The following DYM variants were observed in gnomAD, a reference collection of about 807,000 sequenced individuals.
DYM encodes the protein dyggve-Melchior-Clausen syndrome protein.
DYM carries 78 observed loss-of-function variants against 93.1 expected under a neutral mutation model. That is an observed-to-expected ratio of 0.84 (90% CI 0.70 to 1.01). DYM has a LOEUF of 1.01. Among genes scored for constraint, DYM ranks in the 50% least tolerant of loss-of-function variants. The pLI is 0.00. For missense variants in DYM, 789 were observed against 845.0 expected (o/e 0.93, Z 0.82); for synonymous variants, 321 against 319.7 (o/e 1.00, Z -0.04).
intron 13 of DYM, among the ~76,000 whole-genome samples, chr18:49,240,207 T>C (rs1010896660): frequency 3.3e-5 from 5 of 152,182 alleles, no homozygotes; most frequent in African/African-American, 1.2e-4. Context: ...AATACAGACA[T>C]GCTCACATCC....
chr18:49,253,654 A>T (rs2094334548), intron 13 of DYM, among the ~76,000 whole-genome samples: 1 of 152,166 alleles, frequency 6.6e-6, no homozygotes, highest in African/African-American at 2.4e-5. Flanking sequence ...CCGGCTACTC[A>T]AATGTGGTCC....
chr18:49,042,485 G>C lies in DYM; in HGVS notation c.*1570C>G, dbSNP rs2070999595. ...ACAGTGGTGCACTGAGAGGCTGCCA[G>C]TGTTTTGACCTTTTACAGAGCTTGG... On this transcript the variant is annotated 3_prime_UTR_variant, in exon 18 of 18. Transcript: ENST00000675505. The C allele has an allele frequency of 6.6e-6, 1 of 152,286 alleles. No homozygotes were observed. The highest frequency in any genetic ancestry group is 1.9e-4 in the East Asian group (1 of 5,198). The allele number at this position is 152,286 out of a possible 1,614,324, so 9.4% of individuals were successfully genotyped here.
chr18:49,339,306 T>A (rs572980481), intron 6 of DYM, among the ~76,000 whole-genome samples: 1 of 152,276 alleles, frequency 6.6e-6, no homozygotes, highest in East Asian at 1.9e-4. Flanking sequence ...ATAGTAGGCA[T>A]CCTCTAAAAT....
At chr18:49,401,946 A>C (rs1455745780) in intron 2 of DYM, among the ~76,000 whole-genome samples, 1 of 151,966 alleles carries the variant, frequency 6.6e-6, no homozygotes, top group African/African-American at 2.4e-5. Context: ...GAATCACTTG[A>C]ACCCGGAAGG....
intron 3 of DYM, among the ~76,000 whole-genome samples, chr18:49,390,444 T>A (rs1217128299): frequency 5.3e-5 from 8 of 151,096 alleles, no homozygotes; most frequent in African/African-American, 1.5e-4. Flanking sequence ...AAAAAAAAAA[T>A]AAATCATCAA....
At chr18:49,080,299 C>T (rs2077770162) in intron 17 of DYM, among the ~76,000 whole-genome samples, 1 of 136,070 alleles carries the variant, frequency 7.3e-6, no homozygotes, top group African/African-American at 2.8e-5. Flanking sequence ...AGAGGCGCCC[C>T]TCACCTCCCG....
intron 8 of DYM, among the ~76,000 whole-genome samples, chr18:49,305,006 T>C (rs1412087657): frequency 6.6e-6 from 1 of 152,154 alleles, no homozygotes; most frequent in Non-Finnish European, 1.5e-5. Context: ...ACTCCCTGAC[T>C]ACCACTTCCC....
chr18:49,444,235 A>G (rs1389702014), intron 1 of DYM, among the ~76,000 whole-genome samples: 3 of 152,306 alleles, frequency 2.0e-5, no homozygotes, highest in Non-Finnish European at 4.4e-5. Context: ...TTCTCATGAC[A>G]TTTTTGTCAG....
chr18:49,403,998 G>GC lies in DYM; in HGVS notation c.141-12354_141-12353insG, dbSNP rs367843687. ...TATCCAATTTACTGTTGTTTTTTCTGTTTTTTTTTTGTTTGTTTGTTTGTT... is the reference window on the plus strand; with the variant it reads ...TATCCAATTTACTGTTGTTTTTTCTGCTTTTTTTTTTGTTTGTTTGTTTGTT... On this transcript the variant is annotated intron_variant, in intron 2 of 17. Coordinates refer to ENST00000675505, the MANE Select transcript of DYM (RefSeq NM_001353214.3). 6.1e-5 allele frequency among the ~76,000 whole-genome samples: 9 copies of GC among 147,566 alleles called. No individual in the cohort carries two copies. The East Asian group carries it at 1.4e-3, about 22-fold the overall frequency.
In DYM at chr18:49,308,571, C is replaced by T. The variant is rs74548142; in HGVS notation, c.764-21955G>A. On this transcript the variant is annotated intron_variant, in intron 8 of 17. Coordinates refer to ENST00000675505, the MANE Select transcript of DYM (RefSeq NM_001353214.3). ...TTCTCTACAATAAAGACCACATTAT[C>T]AGCTATTTCATGTCTGTTGCTTTCA... Among the ~76,000 whole-genome samples, 194 of 152,316 alleles carry T rather than the reference C, an allele frequency of 1.3e-3. 2 individuals are homozygous for T. The East Asian group carries it at 0.026, about 20-fold the overall frequency.
chr18:49,346,311 G>A (rs2064591652), intron 6 of DYM, among the ~76,000 whole-genome samples: 1 of 152,012 alleles, frequency 6.6e-6, no homozygotes, highest in Non-Finnish European at 1.5e-5. Context: ...ATGAAATACT[G>A]GTACATATTA....
chr18:49,055,348 C>G (rs758223692), intron 17 of DYM, among the ~76,000 whole-genome samples: 1 of 152,118 alleles, frequency 6.6e-6, no homozygotes, highest in Non-Finnish European at 1.5e-5. Flanking sequence ...GACAGAGACT[C>G]GTGATCTAAA....
chr18:49,230,143 T>C (rs1012866598), intron 13 of DYM, among the ~76,000 whole-genome samples: 1 of 152,214 alleles, frequency 6.6e-6, no homozygotes, highest in African/African-American at 2.4e-5. Flanking sequence ...CATGACTATA[T>C]GTGTTTGTCA....
At chr18:49,423,869 T>G (rs1217310532) in intron 2 of DYM, among the ~76,000 whole-genome samples, 4 of 151,996 alleles carry the variant, frequency 2.6e-5, no homozygotes, top group East Asian at 1.9e-4. Flanking sequence ...TCCCTGAATA[T>G]ACCAATAACA....
At chr18:49,357,300 A>T (rs1006645882) in intron 6 of DYM, among the ~76,000 whole-genome samples, 60 of 152,248 alleles carry the variant, frequency 3.9e-4, no homozygotes, top group Middle Eastern at 6.8e-3. Flanking sequence ...TATATTCACA[A>T]TATGTTTTTG....
intron 8 of DYM, among the ~76,000 whole-genome samples, chr18:49,298,478 G>C (rs1469460420): frequency 6.6e-6 from 1 of 151,930 alleles, no homozygotes; most frequent in South Asian, 2.1e-4. Flanking sequence ...CTACTCAGGA[G>C]GCTGAGACAG....
chr18:49,381,758 G>A (rs993353172), intron 3 of DYM, among the ~76,000 whole-genome samples: 8 of 152,182 alleles, frequency 5.3e-5, no homozygotes, highest in Admixed American at 3.3e-4. Context: ...GTCAATCAGC[G>A]GAGTTTTTAT....
At chr18:49,271,732 C>A (rs1215926950) in intron 11 of DYM, among the ~76,000 whole-genome samples, 1 of 151,662 alleles carries the variant, frequency 6.6e-6, no homozygotes, top group Non-Finnish European at 1.5e-5. Flanking sequence ...ATAAAACTCT[C>A]CAACAGGACC....
At chr18:49,085,216 T>C (rs2078402353) in intron 17 of DYM, among the ~76,000 whole-genome samples, 1 of 152,200 alleles carries the variant, frequency 6.6e-6, no homozygotes, top group South Asian at 2.1e-4. Flanking sequence ...CCAATCTCAC[T>C]GTGAGACTAG....
Sources: gnomAD v4.1 joint callset for allele counts (sites outside exome capture counted in the v4.1 genomes callset) on GRCh38, gnomAD v4.1.1 for gene constraint, MANE v1.5 for transcripts, NCBI Gene and HGNC (gene_info 2026-07-23, HGNC 2026-07-21) for gene names.